Variants in CHST15 observed in about 807,000 individuals in gnomAD.
The protein encoded by CHST15 is carbohydrate sulfotransferase 15, also known as B cell RAG associated protein (GALNAC4S-6ST).
Under a neutral mutation model 53.6 loss-of-function variants are expected in CHST15, and 30 were observed. That is an observed-to-expected ratio of 0.56 (90% CI 0.42 to 0.76). The LOEUF is 0.76. Ranked by LOEUF, CHST15 falls within the 30% of genes least tolerant of loss-of-function variation. The probability of loss-of-function intolerance (pLI) is 0.00; values close to 1 mark genes in which losing one functional copy is unlikely to be tolerated. For missense variants in CHST15, 627 were observed against 740.5 expected, an observed-to-expected ratio of 0.85 and a Z score of 1.78; for synonymous variants, 296 against 289.8, an observed-to-expected ratio of 1.02 and a Z score of -0.22.
At chr10:124,023,768 C>T (rs1191350264) in intron 5 of CHST15, among the ~76,000 whole-genome samples, 1 of 152,096 alleles carries the variant, frequency 6.6e-6, no homozygotes, top group Non-Finnish European at 1.5e-5. Flanking sequence ...GGCTTCCCCT[C>T]TTTCCAGGGA....
At chr10:124,079,026 G>A (rs1234440826) in intron 1 of CHST15, among the ~76,000 whole-genome samples, 1 of 152,212 alleles carries the variant, frequency 6.6e-6, no homozygotes, top group East Asian at 1.9e-4. Flanking sequence ...CAAGCATTCA[G>A]CATGTCAATA....
At chr10:124,018,089 T>C (rs1385557397) in intron 6 of CHST15, among the ~76,000 whole-genome samples, 2 of 152,212 alleles carry the variant, frequency 1.3e-5, no homozygotes, top group African/African-American at 2.4e-5. Flanking sequence ...CTTCCTTCCC[T>C]GAAAGGAGGC....
intron 1 of CHST15, among the ~76,000 whole-genome samples, chr10:124,086,371 G>A (rs934349635): frequency 2.0e-5 from 3 of 152,224 alleles, no homozygotes; most frequent in Non-Finnish European, 4.4e-5. Flanking sequence ...TCCATGAGGA[G>A]GAAGCTCCCC....
At chr10:124,053,667 C>T (rs185759299) in intron 1 of CHST15, among the ~76,000 whole-genome samples, 1 of 152,156 alleles carries the variant, frequency 6.6e-6, no homozygotes, top group East Asian at 1.9e-4. Context: ...GTGGCTCACA[C>T]CTGTCATCCC....
chr10:124,071,154 C>A (rs552986091), intron 1 of CHST15, among the ~76,000 whole-genome samples: 1 of 152,348 alleles, frequency 6.6e-6, no homozygotes, highest in Admixed American at 6.5e-5. Flanking sequence ...AGATGCAGTG[C>A]AGCCCAGGGT....
chr10:124,052,476 T>C (rs1948231724), intron 1 of CHST15, among the ~76,000 whole-genome samples: 2 of 152,178 alleles, frequency 1.3e-5, no homozygotes, highest in Non-Finnish European at 1.5e-5. Flanking sequence ...CAAGTCCATG[T>C]CCACCCAGCG....
At chr10:124,044,985 C>A in intron 2 of CHST15, 66 bp from the exon 3 acceptor site, 1 of 1,087,954 alleles carries the variant, frequency 9.2e-7, no homozygotes, top group Non-Finnish European at 1.2e-6. Flanking sequence ...AATCTAACCG[C>A]AATGGGAACC....
chr10:124,061,828 G>A (rs903302780), intron 1 of CHST15, among the ~76,000 whole-genome samples: 8 of 152,006 alleles, frequency 5.3e-5, no homozygotes, highest in East Asian at 1.9e-4. Context: ...TGCCTCCCTC[G>A]TCAGATCAGG....
chr10:124,092,418 C>T (rs977380669), intron 1 of CHST15: 1 of 152,324 alleles, frequency 6.6e-6, no homozygotes, highest in Non-Finnish European at 1.5e-5. Flanking sequence ...CCGAGTCACG[C>T]CGCCTCCCGA....
At chr10:124,092,944 C>T (rs2134286341) in intron 1 of CHST15, among the ~76,000 whole-genome samples, 1 of 152,332 alleles carries the variant, frequency 6.6e-6, no homozygotes, top group South Asian at 2.1e-4. Context: ...CCGGTGCGTT[C>T]CACGCGGCTT....
rs1418796167 is a variant in CHST15, at chr10:124,075,397, C to A, written c.-513+18072G>T. ...ATAAAGGATGGTTTCTTTCTTTCTT[C>A]AAGTGTCACAGCCTATTCAGGCCCA... On this transcript the variant is annotated intron_variant, in intron 1 of 7. Coordinates refer to ENST00000435907, the MANE Select transcript of CHST15 (RefSeq NM_001270764.2). 4.6e-5 allele frequency among the ~76,000 whole-genome samples: 7 copies of A among 152,162 alleles called. No homozygotes were observed. In the East Asian group the frequency reaches 1.4e-3, roughly 29 times the overall value.
intron 1 of CHST15, among the ~76,000 whole-genome samples, chr10:124,090,986 A>C (rs982293823): frequency 6.6e-6 from 1 of 152,202 alleles, no homozygotes; most frequent in South Asian, 2.1e-4. Context: ...CCGGAGCTGG[A>C]CTTTGGAGGG....
At chr10:124,060,150 G>T (rs1197118016) in intron 1 of CHST15, among the ~76,000 whole-genome samples, 1 of 150,452 alleles carries the variant, frequency 6.6e-6, no homozygotes, top group Non-Finnish European at 1.5e-5. Flanking sequence ...CATTCAGTGT[G>T]TGCACAGGTG....
At position 124,020,523 on chromosome 10, in the gene CHST15, C is replaced by T. The variant is rs143293691; in HGVS notation, c.1347+733G>A. 6,536 of 985,538 alleles carry T rather than the reference C, an allele frequency of 6.6e-3. 150 individuals carry two copies. The South Asian group carries it at 0.093, about 14-fold the overall frequency. The allele number at this position is 985,538 out of a possible 1,614,324, so 61.0% of individuals were successfully genotyped here. A position where few individuals can be genotyped will look rare whatever the true frequency, so the allele number is the denominator to read the frequency against. On this transcript the variant is annotated intron_variant, in intron 6 of 7. Transcript: ENST00000435907. The stretch of plus-strand genomic sequence containing the variant: ...GGCAGAGCCTCTTGGCCTGAAGTCC[C>T]ACCACCTGGGGGCTTCCAAGACTCC...
chr10:124,074,577 G>A lies in CHST15; in HGVS notation c.-513+18892C>T, dbSNP rs547848453. On this transcript the variant is annotated intron_variant, in intron 1 of 7. Transcript: ENST00000435907. The surrounding 1 kb of genome is among the most constrained non-coding windows in gnomAD (Gnocchi z 4.4). The stretch of plus-strand genomic sequence containing the variant: ...CCTGCACACCCAACACCTTCGCCAC[G>A]TCTGCAGTCTCTGCCTCCTCTCCCT... Among the ~76,000 whole-genome samples, 22 of 152,226 alleles carry A rather than the reference G, an allele frequency of 1.4e-4. No individual in the cohort carries two copies. The highest frequency in any genetic ancestry group is 4.3e-4 in the African/African-American group (18 of 41,538).
At chr10:124,034,761 A>T (rs1947377713) in intron 5 of CHST15, among the ~76,000 whole-genome samples, 2 of 127,696 alleles carry the variant, frequency 1.6e-5, no homozygotes, top group Non-Finnish European at 3.3e-5. Flanking sequence ...CCTAACAGGG[A>T]CGCCGGCTCC....
Position 124,019,816 on chromosome 10 carries a change from C to T in CHST15, c.1347+1440G>A, listed in dbSNP as rs981250884. 10 of 985,506 alleles carry T rather than the reference C, an allele frequency of 1.0e-5. No homozygotes were observed. The highest frequency in any genetic ancestry group is 1.2e-5 in the Non-Finnish European group (10 of 830,094). The allele number at this position is 985,506 out of a possible 1,614,324, so 61.0% of individuals were successfully genotyped here. On this transcript the variant is annotated intron_variant, in intron 6 of 7. Transcript: ENST00000435907. The surrounding 1 kb of genome is among the most constrained non-coding windows in gnomAD (Gnocchi z 4.6). Reference sequence around the variant, plus strand: ...TCTTCTGAGGCTAGACCAGGTGGTGCGGCCCCATGTGCCACGCACCCAAGC... The same window carrying T: ...TCTTCTGAGGCTAGACCAGGTGGTGTGGCCCCATGTGCCACGCACCCAAGC...
Position 124,010,117 on chromosome 10 carries a change from C to A in CHST15, c.*32G>T. 1 of 1,609,078 alleles carries A rather than the reference C, an allele frequency of 6.2e-7. No individual in the cohort carries two copies. The highest frequency in any genetic ancestry group is 1.7e-5 in the Admixed American group (1 of 59,938). The stretch of plus-strand genomic sequence containing the variant: ...AAAATCCTGATGATGACGGCATTGG[C>A]GGGCCCAGCACGTGCAGCAACAATT... On this transcript the variant is annotated 3_prime_UTR_variant, in exon 8 of 8. Transcript: ENST00000435907.
intron 1 of CHST15, among the ~76,000 whole-genome samples, chr10:124,063,583 G>T (rs899338106): frequency 5.9e-5 from 9 of 152,096 alleles, no homozygotes; most frequent in African/African-American, 1.9e-4. Flanking sequence ...CATCAAAAAT[G>T]AATCTTTTTC....
Sources: allele counts gnomAD v4.1 joint callset (sites outside exome capture counted in the v4.1 genomes callset), GRCh38; gene constraint gnomAD v4.1.1; non-coding constraint Gnocchi (gnomAD v3.1); transcripts MANE v1.5; gene names NCBI Gene and HGNC (gene_info 2026-07-23, HGNC 2026-07-21).